The following LCN9 variants were observed in gnomAD, a reference collection of about 807,000 sequenced individuals.
LCN9 encodes lipocalin 9.
In LCN9, 22 loss-of-function variants were observed where a neutral mutation model predicts 18.5. That is an observed-to-expected ratio of 1.19 (90% CI 0.85 to 1.70). The LOEUF is 1.70. Among genes scored for constraint, LCN9 ranks in the 40% most tolerant of loss-of-function variants. LCN9 has a pLI of 0.00. For synonymous variants in LCN9, 89 were observed against 83.0 expected (o/e 1.07, Z -0.39); for missense variants, 202 against 201.3 (o/e 1.00, Z -0.02).
At position 135,665,399 on chromosome 9, in the gene LCN9, C is replaced by T; in HGVS notation, c.418+44C>T. 1 of 1,477,622 alleles carries T rather than the reference C, an allele frequency of 6.8e-7. No individual in the cohort carries two copies. Among genetic ancestry groups the T allele is most frequent in the Non-Finnish European group, 9.3e-7 (1 of 1,079,094 alleles). 91.5% of individuals were successfully genotyped at this position (1,477,622 alleles called of 1,614,324 possible). On this transcript the variant is annotated intron_variant, in intron 4 of 5. Coordinates refer to ENST00000619315, the Ensembl canonical transcript of LCN9. The surrounding 1 kb of genome is among the most constrained non-coding windows in gnomAD (Gnocchi z 5.9). ...TCTGACCCCCTCGGGGACCCCACCT[C>T]CTCTGAAGTCCGGCCCAACCCTGGG...
Position 135,665,997 on chromosome 9 carries a change from C to T in LCN9, c.*146C>T. 11 of 1,598,278 alleles carry T rather than the reference C, an allele frequency of 6.9e-6. No individual in the cohort carries two copies. Among genetic ancestry groups the T allele is most frequent in the Non-Finnish European group, 5.9e-6 (7 of 1,178,640 alleles). ...CTGCGGGGTCCCACCCCAGGAGGTG[C>T]CCATCCCTCCCCCTGGTCTGGGAAC... is the stretch of plus-strand genomic sequence containing the variant. On this transcript the variant is annotated 3_prime_UTR_variant, in exon 6 of 6. Coordinates refer to ENST00000619315, the Ensembl canonical transcript of LCN9. The surrounding 1 kb of genome is among the most constrained non-coding windows in gnomAD (Gnocchi z 5.9).
Position 135,664,311 on chromosome 9 carries a change from C to T in LCN9, c.233+13C>T. The T allele has an allele frequency of 6.2e-7, 1 of 1,613,576 alleles. No individual in the cohort carries two copies. The highest frequency in any genetic ancestry group is 2.2e-5 in the East Asian group (1 of 44,886). On this transcript the variant is annotated intron_variant, in intron 2 of 5. Coordinates refer to ENST00000619315, the Ensembl canonical transcript of LCN9. The surrounding 1 kb of genome is among the most constrained non-coding windows in gnomAD (Gnocchi z 4.5). ...ATTTCGAATACATGTGCGTGTTGCC[C>T]ATCTCAGCTGGCATCAGGAAGACCC... is the stretch of plus-strand genomic sequence containing the variant.
Position 135,664,593 on chromosome 9 carries a change from C to A in LCN9, c.234-129C>A, listed in dbSNP as rs1470768008. 4 of 888,266 alleles carry A rather than the reference C, an allele frequency of 4.5e-6. No individual in the cohort carries two copies. The African/African-American group carries it at 5.1e-5, about 11-fold the overall frequency. The allele number at this position is 888,266 out of a possible 1,614,324, so 55.0% of individuals were successfully genotyped here. A position where few individuals can be genotyped will look rare whatever the true frequency, so the allele number is the denominator to read the frequency against. The stretch of plus-strand genomic sequence containing the variant: ...GCTGCAGCAGGGCCCAGCCCAAGAA[C>A]TTGGGGCTGTGGAATGAGGCCTGGG... On this transcript the variant is annotated intron_variant, in intron 2 of 5. Transcript: ENST00000619315. The surrounding 1 kb of genome is among the most constrained non-coding windows in gnomAD (Gnocchi z 4.5).
chr9:135,664,545 G>A lies in LCN9; in HGVS notation c.234-177G>A, dbSNP rs996661457. Among the ~76,000 whole-genome samples the A allele has an allele frequency of 9.9e-5, 15 of 152,220 alleles. No individual in the cohort carries two copies. The highest frequency in any genetic ancestry group is 3.9e-4 in the East Asian group (2 of 5,170). Reference sequence around the variant, plus strand: ...CCCTTCCAAGGCTGGGGTGAGGTTCGAGGAGATGAGGGTGTCCGGTGGGCT... The same window carrying A: ...CCCTTCCAAGGCTGGGGTGAGGTTCAAGGAGATGAGGGTGTCCGGTGGGCT... On this transcript the variant is annotated intron_variant, in intron 2 of 5. Transcript: ENST00000619315. The surrounding 1 kb of genome is among the most constrained non-coding windows in gnomAD (Gnocchi z 4.5).
Position 135,665,136 on chromosome 9 carries a change from G to A in LCN9, c.308-109G>A, listed in dbSNP as rs759410109. 6.0e-5 allele frequency: 47 copies of A among 781,696 alleles called. No homozygotes were observed. The highest frequency in any genetic ancestry group is 1.0e-4 in the Admixed American group (5 of 49,122). 48.4% of individuals were successfully genotyped at this position (781,696 alleles called of 1,614,324 possible). On this transcript the variant is annotated intron_variant, in intron 3 of 5. Transcript: ENST00000619315. This position sits in a 1 kb window ranked among gnomAD's most constrained non-coding sequence, Gnocchi z 5.9. ...GAGCACCGTGGGCTCCTCCCCTCCC[G>A]CCTCAAAAGGCCACTTGACCCCCCA... is the stretch of plus-strand genomic sequence containing the variant.
chr9:135,666,551 G>A (rs181561257), exon 6 of LCN9: 87 of 165,558 alleles, frequency 5.3e-4, no homozygotes, highest in Middle Eastern at 6.3e-3. Context: ...CTCCTTCTCC[G>A]AGCTGCCCCT....
chr9:135,666,320 T>C (rs1834221616), exon 6 of LCN9: 1 of 596,336 alleles, frequency 1.7e-6, no homozygotes, highest in Admixed American at 3.1e-5. Context: ...CCCTGGCTTG[T>C]GGCTGTCACT....
chr9:135,666,036 C>T (rs1015152267), exon 6 of LCN9: 14 of 1,599,586 alleles, frequency 8.8e-6, no homozygotes, highest in South Asian at 2.2e-5. Context: ...ACACAAGGTG[C>T]TTTGGTGAAA....
Position 135,664,927 on chromosome 9 carries a change from G to A in LCN9, c.307+132G>A, listed in dbSNP as rs1834190661. On this transcript the variant is annotated intron_variant, in intron 3 of 5. Coordinates refer to ENST00000619315, the Ensembl canonical transcript of LCN9. This position sits in a 1 kb window ranked among gnomAD's most constrained non-coding sequence, Gnocchi z 4.5. ...CCTGACAGCTTGACCCTGAACTGGA[G>A]GGACCCATCCTGGCACCTACCCAGG... 1.0e-6 allele frequency: 1 copy of A among 995,672 alleles called. No homozygotes were observed. The highest frequency in any genetic ancestry group is 2.6e-5 in the East Asian group (1 of 38,348). The allele number at this position is 995,672 out of a possible 1,614,324, so 61.7% of individuals were successfully genotyped here.
rs984592768 is a variant in LCN9, at chr9:135,665,818, G to A, written c.*10-43G>A. 5.1e-5 allele frequency: 82 copies of A among 1,611,766 alleles called. No individual in the cohort carries two copies. The highest frequency in any genetic ancestry group is 6.7e-5 in the Admixed American group (4 of 59,762). Reference sequence around the variant, plus strand: ...GGGTGGGGATGGGAGGTGTGCCTGCGGGGTCCCTGTCCCTGCGCTGAGAGC... The same window carrying A: ...GGGTGGGGATGGGAGGTGTGCCTGCAGGGTCCCTGTCCCTGCGCTGAGAGC... On this transcript the variant is annotated intron_variant, in intron 5 of 5. Transcript: ENST00000619315. The surrounding 1 kb of genome is among the most constrained non-coding windows in gnomAD (Gnocchi z 5.9).
rs1834195531 is a variant in LCN9, at chr9:135,665,172, C to T, written c.308-73C>T. On this transcript the variant is annotated intron_variant, in intron 3 of 5. Coordinates refer to ENST00000619315, the Ensembl canonical transcript of LCN9. The surrounding 1 kb of genome is among the most constrained non-coding windows in gnomAD (Gnocchi z 5.9). ...CCACTTGACCCCCCATCCTCACTTG[C>T]GGCCACACAGCACGTGTCACAGGAC... 14 of 1,054,112 alleles carry T rather than the reference C, an allele frequency of 1.3e-5. No individual in the cohort carries two copies. Among genetic ancestry groups the T allele is most frequent in the South Asian group, 5.4e-5 (4 of 73,994 alleles). The allele number at this position is 1,054,112 out of a possible 1,614,324, so 65.3% of individuals were successfully genotyped here. A position where few individuals can be genotyped will look rare whatever the true frequency, so the allele number is the denominator to read the frequency against.
rs1834186630 is a variant in LCN9, at chr9:135,664,689, T to A, written c.234-33T>A. On this transcript the variant is annotated intron_variant, in intron 2 of 5. Coordinates refer to ENST00000619315, the Ensembl canonical transcript of LCN9. The surrounding 1 kb of genome is among the most constrained non-coding windows in gnomAD (Gnocchi z 4.5). ...CATCGCACGTCCAGGGGGCTGGAGCTCCACTCCCGGCATCTTCCTGGCTGG... is the reference window on the plus strand; with the variant it reads ...CATCGCACGTCCAGGGGGCTGGAGCACCACTCCCGGCATCTTCCTGGCTGG... 1.3e-6 allele frequency: 2 copies of A among 1,545,948 alleles called. No homozygotes were observed. The highest frequency in any genetic ancestry group is 2.8e-5 in the African/African-American group (2 of 72,388).
In LCN9 at chr9:135,666,198, C is replaced by T. The variant is rs1001632176; in HGVS notation, c.*347C>T. 1.5e-5 allele frequency: 23 copies of T among 1,516,510 alleles called. No individual in the cohort carries two copies. In the African/African-American group the frequency reaches 2.7e-4, roughly 18 times the overall value. The allele number at this position is 1,516,510 out of a possible 1,614,324, so 93.9% of individuals were successfully genotyped here. A position where few individuals can be genotyped will look rare whatever the true frequency, so the allele number is the denominator to read the frequency against. On this transcript the variant is annotated 3_prime_UTR_variant, in exon 6 of 6. Transcript: ENST00000619315. Reference sequence around the variant, plus strand: ...CTAGGACAACCAGGATTTACTTTCTCACAGCCTGGAGCCCGAGGTCTGAAA... The same window carrying T: ...CTAGGACAACCAGGATTTACTTTCTTACAGCCTGGAGCCCGAGGTCTGAAA...
exon 6 of LCN9, chr9:135,666,131 C>T (rs1445114029): frequency 6.3e-7 from 1 of 1,595,376 alleles, no homozygotes; most frequent in African/African-American, 1.3e-5. Flanking sequence ...AGATGGGGCC[C>T]TGTGTGAGTC....
Position 135,664,587 on chromosome 9 carries a change from C to A in LCN9, c.234-135C>A. On this transcript the variant is annotated intron_variant, in intron 2 of 5. Transcript: ENST00000619315. This position sits in a 1 kb window ranked among gnomAD's most constrained non-coding sequence, Gnocchi z 4.5. ...CGGTGGGCTGCAGCAGGGCCCAGCC[C>A]AAGAACTTGGGGCTGTGGAATGAGG... The A allele has an allele frequency of 1.2e-6, 1 of 867,728 alleles. No homozygotes were observed. The highest frequency in any genetic ancestry group is 1.7e-6 in the Non-Finnish European group (1 of 573,922). 53.8% of individuals were successfully genotyped at this position (867,728 alleles called of 1,614,324 possible). A position where few individuals can be genotyped will look rare whatever the true frequency, so the allele number is the denominator to read the frequency against.
At position 135,665,654 on chromosome 9, in the gene LCN9, G is replaced by C; in HGVS notation, c.419-34G>C. 2.5e-6 allele frequency: 4 copies of C among 1,595,492 alleles called. No individual in the cohort carries two copies. Among genetic ancestry groups the C allele is most frequent in the Non-Finnish European group, 3.4e-6 (4 of 1,168,790 alleles). On this transcript the variant is annotated intron_variant, in intron 4 of 5. Transcript: ENST00000619315. This position sits in a 1 kb window ranked among gnomAD's most constrained non-coding sequence, Gnocchi z 5.9. Reference sequence around the variant, plus strand: ...ACAGAACCAACTCTGTTCCCAGCACGGGTCCCATAGCTGGAACCCTCCTTC... The same window carrying C: ...ACAGAACCAACTCTGTTCCCAGCACCGGTCCCATAGCTGGAACCCTCCTTC...
chr9:135,665,580 T>G lies in LCN9; in HGVS notation c.419-108T>G, dbSNP rs571267443. On this transcript the variant is annotated intron_variant, in intron 4 of 5. Coordinates refer to ENST00000619315, the Ensembl canonical transcript of LCN9. The surrounding 1 kb of genome is among the most constrained non-coding windows in gnomAD (Gnocchi z 5.9). ...CCTCTCTGGTCAGGGCGTGACCCCC[T>G]GCCCAGCCTCAGCACTTCCTGAGCA... 1 of 1,142,700 alleles carries G rather than the reference T, an allele frequency of 8.8e-7. No individual in the cohort carries two copies. The highest frequency in any genetic ancestry group is 2.0e-5 in the Admixed American group (1 of 48,954). 70.8% of individuals were successfully genotyped at this position (1,142,700 alleles called of 1,614,324 possible). A position where few individuals can be genotyped will look rare whatever the true frequency, so the allele number is the denominator to read the frequency against.
exon 6 of LCN9, chr9:135,666,179 C>T: frequency 6.5e-7 from 1 of 1,547,354 alleles, no homozygotes; most frequent in East Asian, 2.3e-5. Flanking sequence ...GTGACTAGGA[C>T]AACCAGGATT....
intron 1 of LCN9, among the ~76,000 whole-genome samples, chr9:135,663,936 C>A (rs11103130): frequency 0.15 from 5,538 of 36,430 alleles, 191 homozygotes; most frequent in Non-Finnish European, 0.19. Context: ...TGGGGGGCAG[C>A]GGGGGCCCTG....
Sources: gnomAD v4.1 joint callset for allele counts (sites outside exome capture counted in the v4.1 genomes callset) on GRCh38, gnomAD v4.1.1 for gene constraint, Gnocchi (gnomAD v3.1) non-coding constraint, MANE v1.5 for transcripts, NCBI Gene and HGNC (gene_info 2026-07-23, HGNC 2026-07-21) for gene names.